The following CDH13 variants were observed in gnomAD, a reference collection of about 807,000 sequenced individuals.
The protein encoded by CDH13 is cadherin-13.
CDH13 carries 24 observed loss-of-function variants against 63.8 expected under a neutral mutation model. The ratio of observed to expected loss-of-function variants is 0.38; its 90% confidence interval spans 0.27 to 0.53. The LOEUF (loss-of-function observed/expected upper bound fraction) is 0.53, where lower values mean the gene tolerates loss of function less well. CDH13 is among the 20% of genes least tolerant of loss of function. The probability of loss-of-function intolerance (pLI) is 0.85; values close to 1 mark genes in which losing one functional copy is unlikely to be tolerated. For missense variants in CDH13, 1,049 were observed against 903.1 expected (o/e 1.16, Z -2.07); for synonymous variants, 503 against 355.3 (o/e 1.42, Z -4.67).
chr16:82,690,583 A>G (rs1915548015), intron 1 of CDH13, among the ~76,000 whole-genome samples: 1 of 152,204 alleles, frequency 6.6e-6, no homozygotes, highest in Admixed American at 6.5e-5. Flanking sequence ...TCATCTCGTG[A>G]GAATGAGCAA....
chr16:83,421,931 C>T (rs914761896), intron 6 of CDH13, among the ~76,000 whole-genome samples: 6 of 152,180 alleles, frequency 3.9e-5, no homozygotes, highest in African/African-American at 7.2e-5. Context: ...CAATCCTTAG[C>T]CATGATATTT....
chr16:83,462,088 T>C (rs1297654139), intron 6 of CDH13, among the ~76,000 whole-genome samples: 1 of 152,200 alleles, frequency 6.6e-6, no homozygotes, highest in Non-Finnish European at 1.5e-5. Context: ...GAAATCGTTT[T>C]AACAGGGGCC....
chr16:83,141,315 C>T (rs573821553), intron 4 of CDH13, among the ~76,000 whole-genome samples: 1 of 152,256 alleles, frequency 6.6e-6, no homozygotes, highest in African/African-American at 2.4e-5. Context: ...TATTCTGAGC[C>T]TTCATTGTCC....
intron 1 of CDH13, among the ~76,000 whole-genome samples, chr16:82,645,842 T>C (rs1165733507): frequency 1.3e-5 from 2 of 152,244 alleles, no homozygotes; most frequent in African/African-American, 4.8e-5. Flanking sequence ...GCCATGGTTA[T>C]TCCAAAGGGC....
intron 6 of CDH13, among the ~76,000 whole-genome samples, chr16:83,380,025 A>C (rs1174190888): frequency 6.6e-6 from 1 of 151,332 alleles, no homozygotes; most frequent in Non-Finnish European, 1.5e-5. Context: ...CAATTTTTAA[A>C]CAATTAATAA....
rs537087040 is a variant in CDH13 at position 82,898,796 on chromosome 16, G to A, written c.157+40323G>A. On this transcript the variant is annotated intron_variant, in intron 2 of 13. Transcript: ENST00000567109. ...AGAGAAAAGCTTCATCCAGTTATTT[G>A]GGGCTGGAATTCTAAGTGAAGTTGT... Among the ~76,000 whole-genome samples the A allele has an allele frequency of 2.0e-5, 3 of 152,308 alleles. No individual in the cohort carries two copies. The South Asian group carries it at 6.2e-4, about 32-fold the overall frequency.
At chr16:83,724,867 C>T (rs765031298) in intron 10 of CDH13, among the ~76,000 whole-genome samples, 2 of 152,146 alleles carry the variant, frequency 1.3e-5, no homozygotes, top group African/African-American at 2.4e-5. Context: ...TTGGGTACAA[C>T]TCTATATGGC....
At chr16:82,772,783 T>C (rs1024750279) in intron 1 of CDH13, among the ~76,000 whole-genome samples, 1 of 152,184 alleles carries the variant, frequency 6.6e-6, no homozygotes, top group Non-Finnish European at 1.5e-5. Context: ...TCTAACATCA[T>C]AGTGGGATGG....
At chr16:83,791,329 C>T (rs1388565790) in intron 13 of CDH13, among the ~76,000 whole-genome samples, 1 of 151,848 alleles carries the variant, frequency 6.6e-6, no homozygotes, top group African/African-American at 2.4e-5. Flanking sequence ...AAACTCATCT[C>T]TACTAAAGCT....
intron 4 of CDH13, among the ~76,000 whole-genome samples, chr16:83,143,364 T>C (rs995771646): frequency 1.3e-5 from 2 of 152,188 alleles, no homozygotes; most frequent in African/African-American, 4.8e-5. Context: ...ATGTAATAAA[T>C]GAATATGTAT....
intron 5 of CDH13, among the ~76,000 whole-genome samples, chr16:83,301,024 G>GTTTTTTTTTTTTTTTTTTCTTTTTT (rs1567574870): frequency 1.9e-5 from 1 of 53,946 alleles, no homozygotes; most frequent in African/African-American, 6.7e-5. Flanking sequence ...AACTTTCTGG[G>GTTTTTTTTTTTTTTTTTTCTTTTTT]GTTTTTTTTT....
At chr16:83,605,883 G>A (rs1259133041) in intron 8 of CDH13, among the ~76,000 whole-genome samples, 1 of 152,188 alleles carries the variant, frequency 6.6e-6, no homozygotes, top group Non-Finnish European at 1.5e-5. Context: ...AGTTCTAGGG[G>A]AGAAGCAATT....
At chr16:82,945,794 A>G (rs1193855680) in intron 2 of CDH13, among the ~76,000 whole-genome samples, 1 of 152,154 alleles carries the variant, frequency 6.6e-6, no homozygotes, top group Non-Finnish European at 1.5e-5. Flanking sequence ...CCTAAAAAAT[A>G]TTTCCTGTGA....
intron 6 of CDH13, among the ~76,000 whole-genome samples, chr16:83,416,188 C>T (rs2071542339): frequency 1.3e-5 from 2 of 152,172 alleles, no homozygotes; most frequent in Admixed American, 6.5e-5. Context: ...ATAAACTTAA[C>T]TAAGACAGTG....
chr16:82,705,219 A>G (rs941584291), intron 1 of CDH13: 1 of 453,028 alleles, frequency 2.2e-6, no homozygotes, highest in Non-Finnish European at 4.4e-6. Context: ...TCAGGTATAT[A>G]GCACATGAGA....
intron 4 of CDH13, among the ~76,000 whole-genome samples, chr16:83,140,699 C>G (rs939600506): frequency 7.2e-5 from 11 of 152,196 alleles, no homozygotes; most frequent in Non-Finnish European, 1.0e-4. Context: ...AGGTGATCCA[C>G]CCGCCTGGGC....
At chr16:83,433,250 A>G (rs1382775518) in intron 6 of CDH13, among the ~76,000 whole-genome samples, 1 of 152,180 alleles carries the variant, frequency 6.6e-6, no homozygotes, top group African/African-American at 2.4e-5. Context: ...TTAGTCCATG[A>G]CTATTTGCTT....
At chr16:83,484,903 A>G (rs891623556) in intron 6 of CDH13, among the ~76,000 whole-genome samples, 1 of 152,202 alleles carries the variant, frequency 6.6e-6, no homozygotes, top group Non-Finnish European at 1.5e-5. Context: ...CTGTTTGAGA[A>G]CGCTGATTCC....
At chr16:83,741,400 A>T (rs976614427) in intron 10 of CDH13, among the ~76,000 whole-genome samples, 3 of 152,058 alleles carry the variant, frequency 2.0e-5, no homozygotes, top group African/African-American at 7.2e-5. Flanking sequence ...CAGGAATATA[A>T]AAATACCCTG....
Sources: gnomAD v4.1 joint callset for allele counts (sites outside exome capture counted in the v4.1 genomes callset) on GRCh38, gnomAD v4.1.1 for gene constraint, MANE v1.5 for transcripts, NCBI Gene and HGNC (gene_info 2026-07-23, HGNC 2026-07-21) for gene names.